The following MGAT5B variants were observed in gnomAD, a reference collection of about 807,000 sequenced individuals.
MGAT5B encodes the protein N-acetylglucosaminyl-transferase Vb.
MGAT5B carries 54 observed loss-of-function variants against 95.1 expected under a neutral mutation model. That is an observed-to-expected ratio of 0.57 (90% CI 0.46 to 0.71). MGAT5B has a LOEUF of 0.71. Ranked by LOEUF, MGAT5B falls within the 30% of genes least tolerant of loss-of-function variation. The pLI, the probability that MGAT5B is intolerant of heterozygous loss-of-function variation, is 0.00. For synonymous variants in MGAT5B, 464 were observed against 451.0 expected (o/e 1.03, Z -0.36); for missense variants, 935 against 1,088.6 (o/e 0.86, Z 1.99).
At chr17:76,932,833 GGGTCCCGCATCTCCTCCTTCCAGGATGC>G in intron 11 of MGAT5B, 58 bp downstream of exon 11, 2 of 1,593,168 alleles carry the variant, frequency 1.3e-6, no homozygotes, top group South Asian at 2.3e-5. Flanking sequence ...GCCCCCGCCT[GGGTCCCGCATCTCCTCCTTCCAGGATGC>G]GGTGCCCTCC....
chr17:76,904,141 C>A, intron 5 of MGAT5B, 111 bp from the exon 6 acceptor site: 1 of 1,124,606 alleles, frequency 8.9e-7, no homozygotes, highest in Non-Finnish European at 1.2e-6. Context: ...TAGGGTGGGC[C>A]ACATGGGCCC....
intron 3 of MGAT5B, among the ~76,000 whole-genome samples, chr17:76,883,806 A>G (rs1967518953): frequency 6.6e-6 from 1 of 152,266 alleles, no homozygotes; most frequent in Non-Finnish European, 1.5e-5. Context: ...GCATTTCTAA[A>G]GTACGGAGTT....
chr17:76,868,919 C>G lies in MGAT5B; in HGVS notation c.-111C>G, dbSNP rs958270164. On this transcript the variant is annotated 5_prime_UTR_variant, in exon 1 of 18. Transcript: ENST00000569840. The surrounding 1 kb of genome is among the most constrained non-coding windows in gnomAD (Gnocchi z 6.3). ...CGGGCCGCGCGCTCCCAGCTTCGCTCGGACGCGGCTTCGGCCCGCAGAGGG... is the reference window on the plus strand; with the variant it reads ...CGGGCCGCGCGCTCCCAGCTTCGCTGGGACGCGGCTTCGGCCCGCAGAGGG... 8 of 1,023,782 alleles carry G rather than the reference C, an allele frequency of 7.8e-6. No individual in the cohort carries two copies. Among genetic ancestry groups the G allele is most frequent in the Non-Finnish European group, 1.4e-6 (1 of 701,468 alleles). The allele number at this position is 1,023,782 out of a possible 1,614,324, so 63.4% of individuals were successfully genotyped here.
intron 12 of MGAT5B, among the ~76,000 whole-genome samples, chr17:76,935,589 T>C (rs1417244207): frequency 1.4e-5 from 2 of 147,238 alleles, no homozygotes; most frequent in African/African-American, 5.0e-5. Flanking sequence ...TGTGTGTTTA[T>C]TTGTCTTCCA....
At chr17:76,883,810 C>T (rs543743341) in intron 3 of MGAT5B, among the ~76,000 whole-genome samples, 9 of 152,204 alleles carry the variant, frequency 5.9e-5, no homozygotes, top group South Asian at 2.1e-4. Context: ...TTCTAAAGTA[C>T]GGAGTTGGGT....
intron 3 of MGAT5B, among the ~76,000 whole-genome samples, chr17:76,888,399 T>A (rs946169144): frequency 6.6e-6 from 1 of 152,200 alleles, no homozygotes; most frequent in East Asian, 1.9e-4. Flanking sequence ...CGCTCATGTT[T>A]CCAGCCGTGT....
At position 76,904,361 on chromosome 17, in the gene MGAT5B, C is replaced by T. The variant is rs190033210; in HGVS notation, c.629C>T (p.Pro210Leu). The T allele has an allele frequency of 3.7e-5, 58 of 1,586,324 alleles. No individual in the cohort carries two copies. Among genetic ancestry groups the T allele is most frequent in the Middle Eastern group, 1.7e-4 (1 of 6,000 alleles). Residue 210 changes from proline to leucine, a missense_variant, in exon 6 of 18, where the codon CCG becomes CTG. Transcript: ENST00000569840. ...YLSEVEWFCP[P>L]LPWRNQTAAQ... ...AGTGAGGTCGAGTGGTTCTGCCCCC[C>T]GCTGCCCTGGAGGAACCAGACGGCT...
intron 8 of MGAT5B, among the ~76,000 whole-genome samples, chr17:76,910,535 C>T (rs1207148187): frequency 6.6e-6 from 1 of 152,254 alleles, no homozygotes; most frequent in Non-Finnish European, 1.5e-5. Context: ...CACCCACTCA[C>T]ACACTTGAAT....
intron 1 of MGAT5B, chr17:76,872,640 G>A: frequency 1.4e-6 from 2 of 1,459,734 alleles, no homozygotes; most frequent in East Asian, 2.5e-5. Context: ...TTCTCGTGTG[G>A]CTCGAGGCCA....
In MGAT5B at chr17:76,948,901, C is replaced by A; in HGVS notation, c.*63C>A. On this transcript the variant is annotated 3_prime_UTR_variant, in exon 18 of 18. Coordinates refer to ENST00000569840, the MANE Select transcript of MGAT5B (RefSeq NM_001199172.2). Reference sequence around the variant, plus strand: ...TCTCTCCTGCCGCGGGAGAAAGCACCAGCAGGTTCTGAGCCCTGGCTGCTT... The same window carrying A: ...TCTCTCCTGCCGCGGGAGAAAGCACAAGCAGGTTCTGAGCCCTGGCTGCTT... 6.7e-7 allele frequency: 1 copy of A among 1,485,390 alleles called. No homozygotes were observed. 92.0% of individuals were successfully genotyped at this position (1,485,390 alleles called of 1,614,324 possible).
chr17:76,939,716 C>T (rs1969803094), intron 13 of MGAT5B, among the ~76,000 whole-genome samples: 1 of 152,110 alleles, frequency 6.6e-6, no homozygotes, highest in African/African-American at 2.4e-5. Flanking sequence ...TTGTTGCCAT[C>T]TTTATGCCCA....
At chr17:76,907,085 C>G (rs1260075609) in intron 8 of MGAT5B, among the ~76,000 whole-genome samples, 1 of 148,920 alleles carries the variant, frequency 6.7e-6, no homozygotes, top group African/African-American at 2.5e-5. Flanking sequence ...GAGTTTCTCT[C>G]TTGTTCCCCA....
chr17:76,934,208 G>T (rs1478058260), intron 12 of MGAT5B, among the ~76,000 whole-genome samples: 1 of 152,218 alleles, frequency 6.6e-6, no homozygotes, highest in Non-Finnish European at 1.5e-5. Context: ...CAGGCATTGT[G>T]CTAAGGGCTC....
intron 3 of MGAT5B, among the ~76,000 whole-genome samples, chr17:76,884,102 A>G (rs1337367696): frequency 6.6e-6 from 1 of 152,230 alleles, no homozygotes; most frequent in Non-Finnish European, 1.5e-5. Context: ...AGCACCTGGC[A>G]TGGTTCTTAC....
At chr17:76,933,831 G>A (rs771416640) in intron 12 of MGAT5B, among the ~76,000 whole-genome samples, 23 of 152,148 alleles carry the variant, frequency 1.5e-4, no homozygotes, top group African/African-American at 3.9e-4. Context: ...CTGGTGTGGC[G>A]TTCCCCGGGG....
chr17:76,932,121 TTG>T (rs1448671095), intron 10 of MGAT5B, among the ~76,000 whole-genome samples: 3 of 86,032 alleles, frequency 3.5e-5, no homozygotes, highest in South Asian at 4.3e-4. Context: ...TTCGTCTTCT[TTG>T]TCTTCTCCTT....
chr17:76,938,177 TG>T lies in MGAT5B; in HGVS notation c.1584+35del. ...CCATCCCCCGCACCATTCTCACACT[TG>T]CCGGCTGCAGACACTGAGGTCACCA... On this transcript the variant is annotated intron_variant, in intron 13 of 17. Coordinates refer to ENST00000569840, the MANE Select transcript of MGAT5B (RefSeq NM_001199172.2). This position sits in a 1 kb window ranked among gnomAD's most constrained non-coding sequence, Gnocchi z 4.3. 6.2e-7 allele frequency: 1 copy of T among 1,608,358 alleles called. No individual in the cohort carries two copies. Among genetic ancestry groups the T allele is most frequent in the Non-Finnish European group, 8.5e-7 (1 of 1,176,290 alleles).
chr17:76,911,459 GT>G (rs1197157748), intron 8 of MGAT5B, among the ~76,000 whole-genome samples: 1 of 152,210 alleles, frequency 6.6e-6, no homozygotes, highest in Non-Finnish European at 1.5e-5. Flanking sequence ...TTAGTGGGGG[GT>G]TGGGCCACAG....
At chr17:76,893,952 C>T (rs1301650968) in intron 3 of MGAT5B, among the ~76,000 whole-genome samples, 3 of 152,180 alleles carry the variant, frequency 2.0e-5, no homozygotes, top group African/African-American at 7.2e-5. Context: ...CTGTTGGCAC[C>T]ACCTTCCCGG....
Sources: allele counts gnomAD v4.1 joint callset (sites outside exome capture counted in the v4.1 genomes callset), GRCh38; gene constraint gnomAD v4.1.1; non-coding constraint Gnocchi (gnomAD v3.1); transcripts MANE v1.5; gene names NCBI Gene and HGNC (gene_info 2026-07-23, HGNC 2026-07-21).